DNAJC12: variants seen among roughly 807,000 people sequenced by gnomAD.
The protein encoded by DNAJC12 is dnaJ homolog subfamily C member 12.
Under a neutral mutation model 28.5 loss-of-function variants are expected in DNAJC12, and 25 were observed. That is an observed-to-expected ratio of 0.88 (90% confidence interval 0.64 to 1.22). The LOEUF is 1.22. DNAJC12 is among the 50% of genes most tolerant of loss of function. The pLI is 0.00. For missense variants in DNAJC12, 222 were observed against 231.7 expected (o/e 0.96, Z 0.27); for synonymous variants, 77 against 80.6 (o/e 0.95, Z 0.24).
intron 1 of DNAJC12, among the ~76,000 whole-genome samples, chr10:67,832,453 T>A (rs1233977467): frequency 6.6e-6 from 1 of 152,122 alleles, no homozygotes; most frequent in Non-Finnish European, 1.5e-5. Flanking sequence ...ATTAATTAAG[T>A]CATGAGGCAT....
In DNAJC12 at chr10:67,802,838, CGTGTGTGTGTGTGTGT is replaced by C. The variant is rs71006167; in HGVS notation, c.502+2729_502+2744del. ...ATTTTACGTATATTAAGTTATTGTG[CGTGTGTGTGTGTGTGT>C]GTGTGTGTGTGTGTGTGACAGGATC... is the stretch of plus-strand genomic sequence containing the variant. On this transcript the variant is annotated intron_variant, in intron 4 of 4. Coordinates refer to ENST00000225171, the MANE Select transcript of DNAJC12 (RefSeq NM_021800.3). Among the ~76,000 whole-genome samples the C allele has an allele frequency of 4.2e-5, 6 of 143,134 alleles. No homozygotes were observed. The South Asian group carries it at 1.4e-3, about 32-fold the overall frequency. 93.9% of individuals were successfully genotyped at this position (143,134 alleles called of 152,430 possible).
At position 67,797,074 on chromosome 10, in the gene DNAJC12, G is replaced by C. The variant is rs777905044; in HGVS notation, c.*42C>G. On this transcript the variant is annotated 3_prime_UTR_variant, in exon 5 of 5. Transcript: ENST00000225171. Reference sequence around the variant, plus strand: ...CAAAGACTGCATGTTGGCAGCATAGGGGACAGTCTTGCTCTTCCTCATTTT... The same window carrying C: ...CAAAGACTGCATGTTGGCAGCATAGCGGACAGTCTTGCTCTTCCTCATTTT... 32 of 1,498,414 alleles carry C rather than the reference G, an allele frequency of 2.1e-5. No individual in the cohort carries two copies. Among genetic ancestry groups the C allele is most frequent in the Non-Finnish European group, 2.8e-5 (30 of 1,083,148 alleles). 92.8% of individuals were successfully genotyped at this position (1,498,414 alleles called of 1,614,324 possible).
intron 3 of DNAJC12, chr10:67,810,962 T>C (rs913171599): frequency 1.3e-5 from 2 of 152,274 alleles, no homozygotes; most frequent in Admixed American, 1.3e-4. Flanking sequence ...ACAAAATAAA[T>C]ATATGACAGT....
intron 3 of DNAJC12, among the ~76,000 whole-genome samples, chr10:67,807,154 G>A (rs975802220): frequency 4.6e-5 from 7 of 150,894 alleles, no homozygotes; most frequent in Admixed American, 2.0e-4. Context: ...CCAGCTACCC[G>A]GGAGGCTGAG....
chr10:67,807,313 A>G (rs768858441), intron 3 of DNAJC12, among the ~76,000 whole-genome samples: 1 of 152,212 alleles, frequency 6.6e-6, no homozygotes, highest in African/African-American at 2.4e-5. Flanking sequence ...TTTCGATGCA[A>G]AAACATACAA....
Position 67,834,672 on chromosome 10 carries a change from C to T in DNAJC12, c.78+3262G>A, listed in dbSNP as rs143589867. On this transcript the variant is annotated intron_variant, in intron 1 of 4. Transcript: ENST00000225171. ...GTGAAAGCTCATCTGTACAAAAATA[C>T]AAAAATTAGCTGGGCATAGTGGCAT... is the stretch of plus-strand genomic sequence containing the variant. Among the ~76,000 whole-genome samples, 127 of 152,224 alleles carry T rather than the reference C, an allele frequency of 8.3e-4. 1 individual carries two copies. The highest frequency in any genetic ancestry group is 2.8e-3 in the African/African-American group (118 of 41,546).
chr10:67,827,126 C>T (rs897745822), intron 1 of DNAJC12, among the ~76,000 whole-genome samples: 2 of 151,822 alleles, frequency 1.3e-5, no homozygotes, highest in Non-Finnish European at 2.9e-5. Flanking sequence ...GTGGCTCACG[C>T]CTGTAATCCC....
intron 4 of DNAJC12, among the ~76,000 whole-genome samples, chr10:67,800,316 T>TA (rs1394058673): frequency 6.6e-6 from 1 of 150,408 alleles, no homozygotes; most frequent in Non-Finnish European, 1.5e-5. Flanking sequence ...ACCAAAGCTA[T>TA]AAAAGGTACA....
chr10:67,821,636 T>C (rs1252893417), intron 2 of DNAJC12, among the ~76,000 whole-genome samples: 1 of 152,260 alleles, frequency 6.6e-6, no homozygotes, highest in Non-Finnish European at 1.5e-5. Context: ...TGTGGGCATC[T>C]GTTAGAGTAT....
intron 1 of DNAJC12, among the ~76,000 whole-genome samples, chr10:67,832,420 T>C (rs1236824556): frequency 2.0e-5 from 3 of 152,166 alleles, no homozygotes; most frequent in Non-Finnish European, 4.4e-5. Context: ...GAGATCCTCC[T>C]ACATTACTCT....
chr10:67,804,276 T>C (rs1429817168), intron 4 of DNAJC12, among the ~76,000 whole-genome samples: 1 of 152,212 alleles, frequency 6.6e-6, no homozygotes, highest in Non-Finnish European at 1.5e-5. Context: ...TAGGGCTTCC[T>C]AGAGGTGAAC....
intron 1 of DNAJC12, among the ~76,000 whole-genome samples, chr10:67,829,547 A>G (rs956369423): frequency 7.2e-5 from 11 of 152,202 alleles, no homozygotes; most frequent in Non-Finnish European, 1.5e-4. Context: ...AGGCTGAGGA[A>G]GGAGAATGGC....
At chr10:67,810,170 A>C (rs1469128365) in intron 3 of DNAJC12, among the ~76,000 whole-genome samples, 2 of 152,064 alleles carry the variant, frequency 1.3e-5, no homozygotes, top group African/African-American at 2.4e-5. Flanking sequence ...AAGAGAGAGA[A>C]GGTAGAACTG....
chr10:67,818,340 C>A (rs1001158879), intron 2 of DNAJC12, among the ~76,000 whole-genome samples: 1 of 152,154 alleles, frequency 6.6e-6, no homozygotes, highest in Non-Finnish European at 1.5e-5. Flanking sequence ...ACAACCTCTA[C>A]CCAAAGGTTG....
Position 67,820,777 on chromosome 10 carries a change from CTTTTTTTTTTTTT to C in DNAJC12, c.157+2524_157+2536del, listed in dbSNP as rs71006170. On this transcript the variant is annotated intron_variant, in intron 2 of 4. Transcript: ENST00000225171. Reference sequence around the variant, plus strand: ...GACAAGGAAAACATTTTCTTTTTTCCTTTTTTTTTTTTTTTTTTTTTTTGAGATGGAGTTTCAC... The same window carrying C: ...GACAAGGAAAACATTTTCTTTTTTCCTTTTTTTTTTGAGATGGAGTTTCAC... Among the ~76,000 whole-genome samples the C allele has an allele frequency of 8.8e-5, 6 of 68,520 alleles. No homozygotes were observed. The East Asian group carries it at 1.8e-3, about 20-fold the overall frequency. 45.0% of individuals were successfully genotyped at this position (68,520 alleles called of 152,430 possible).
At chr10:67,805,349 T>C (rs1448464610) in intron 4 of DNAJC12, among the ~76,000 whole-genome samples, 1 of 152,200 alleles carries the variant, frequency 6.6e-6, no homozygotes, top group Non-Finnish European at 1.5e-5. Context: ...ATTCAATCAA[T>C]GTTAGCTAGC....
chr10:67,828,701 T>C (rs1842062143), intron 1 of DNAJC12, among the ~76,000 whole-genome samples: 1 of 152,038 alleles, frequency 6.6e-6, no homozygotes, highest in Non-Finnish European at 1.5e-5. Context: ...CACACATATA[T>C]ATGAAGAGCC....
At chr10:67,821,696 A>C (rs775502596) in intron 2 of DNAJC12, among the ~76,000 whole-genome samples, 7 of 152,178 alleles carry the variant, frequency 4.6e-5, no homozygotes, top group Non-Finnish European at 1.5e-5. Context: ...TAAAAAGAAA[A>C]ATCTGCAATG....
chr10:67,805,528 CA>C, intron 4 of DNAJC12, 54 bp downstream of exon 4: 3 of 1,529,492 alleles, frequency 2.0e-6, no homozygotes, highest in Non-Finnish European at 2.6e-6. Flanking sequence ...GCAATATAAA[CA>C]AAACTCTTTA....
Sources: allele counts gnomAD v4.1 joint callset (sites outside exome capture counted in the v4.1 genomes callset), GRCh38; gene constraint gnomAD v4.1.1; transcripts MANE v1.5; gene names NCBI Gene and HGNC (gene_info 2026-07-23, HGNC 2026-07-21).